Variants in LRP1B observed in about 807,000 individuals in gnomAD.
The protein encoded by LRP1B is low-density lipoprotein receptor-related protein 1B.
In LRP1B, 217 loss-of-function variants were observed where a neutral mutation model predicts 556.6. The observed-to-expected ratio is 0.39, with a 90% CI of 0.35 to 0.44. LRP1B has a LOEUF of 0.44. Ranked by LOEUF, LRP1B falls within the 20% of genes least tolerant of loss-of-function variation. LRP1B has a pLI of 1.00. For missense variants in LRP1B, 5,053 were observed against 5,620.8 expected, an observed-to-expected ratio of 0.90 and a Z score of 3.23; for synonymous variants, 2,047 against 1,865.8, an observed-to-expected ratio of 1.10 and a Z score of -2.50.
At chr2:141,522,784 G>T (rs1482647932) in intron 2 of LRP1B, among the ~76,000 whole-genome samples, 1 of 152,150 alleles carries the variant, frequency 6.6e-6, no homozygotes, top group Non-Finnish European at 1.5e-5. Flanking sequence ...TCCACGTTTG[G>T]CAGGTTCTTT....
At chr2:140,571,636 TA>T (rs1276513203) in intron 43 of LRP1B, among the ~76,000 whole-genome samples, 1 of 146,630 alleles carries the variant, frequency 6.8e-6, no homozygotes, top group Non-Finnish European at 1.5e-5. Context: ...GACATTTTTT[TA>T]CAGAAATAGA....
chr2:141,016,766 T>A (rs1697912199), intron 12 of LRP1B, among the ~76,000 whole-genome samples: 1 of 152,096 alleles, frequency 6.6e-6, no homozygotes. Context: ...TTAATTAAAG[T>A]GTAGGTTTAA....
chr2:140,401,938 G>A (rs868234912), intron 66 of LRP1B, among the ~76,000 whole-genome samples: 16 of 152,164 alleles, frequency 1.1e-4, no homozygotes, highest in Admixed American at 5.2e-4. Flanking sequence ...CACACTATCT[G>A]TAACTAAGGA....
intron 35 of LRP1B, among the ~76,000 whole-genome samples, chr2:140,740,484 T>C (rs1688099393): frequency 6.6e-6 from 1 of 152,110 alleles, no homozygotes; most frequent in South Asian, 2.1e-4. Context: ...GTAAGAATGA[T>C]ACATGGACTT....
In LRP1B at chr2:141,005,472, A is replaced by G. The variant is rs1451042132; in HGVS notation, c.2381-15T>C. ...CATATTGTCACCTGCAAGAGGAAGA[A>G]AGCAAATGTGTCAGAGAACTCTGAT... On this transcript the variant is annotated splice_polypyrimidine_tract_variant and intron_variant, in intron 14 of 90. Coordinates refer to ENST00000389484, the MANE Select transcript of LRP1B (RefSeq NM_018557.3). 1.2e-6 allele frequency: 2 copies of G among 1,607,620 alleles called. No individual in the cohort carries two copies. The highest frequency in any genetic ancestry group is 1.7e-6 in the Non-Finnish European group (2 of 1,176,106).
intron 3 of LRP1B, among the ~76,000 whole-genome samples, chr2:141,332,683 AGGTCAC>A (rs1452711193): frequency 6.7e-6 from 1 of 148,446 alleles, no homozygotes; most frequent in Non-Finnish European, 1.5e-5. Flanking sequence ...TTTCTTAATC[AGGTCAC>A]GGTGGCCTTT....
chr2:140,310,523 G>T (rs902454304), intron 83 of LRP1B, among the ~76,000 whole-genome samples: 1 of 150,260 alleles, frequency 6.7e-6, no homozygotes, highest in Non-Finnish European at 1.5e-5. Context: ...ATAACCAAAA[G>T]AGCATGGTTC....
intron 27 of LRP1B, among the ~76,000 whole-genome samples, chr2:140,855,796 C>G (rs1692599599): frequency 6.6e-6 from 1 of 152,092 alleles, no homozygotes; most frequent in Non-Finnish European, 1.5e-5. Flanking sequence ...CCACTGCACT[C>G]CAGCCTGGCC....
At chr2:140,546,627 G>C (rs1175004362) in intron 43 of LRP1B, among the ~76,000 whole-genome samples, 1 of 152,054 alleles carries the variant, frequency 6.6e-6, no homozygotes, top group African/African-American at 2.4e-5. Context: ...CCATCCTCAT[G>C]ATTCAAGTAC....
intron 3 of LRP1B, among the ~76,000 whole-genome samples, chr2:141,460,442 G>A (rs1245820109): frequency 6.6e-6 from 1 of 152,134 alleles, no homozygotes. Flanking sequence ...TGGAGATGAG[G>A]TCAGACAAAT....
At chr2:141,412,173 T>C (rs1396650118) in intron 3 of LRP1B, among the ~76,000 whole-genome samples, 1 of 152,180 alleles carries the variant, frequency 6.6e-6, no homozygotes, top group Non-Finnish European at 1.5e-5. Flanking sequence ...AAATAAATAC[T>C]TGGAGTTCTT....
At chr2:141,109,919 G>T (rs957439948) in intron 7 of LRP1B, among the ~76,000 whole-genome samples, 27 of 152,278 alleles carry the variant, frequency 1.8e-4, no homozygotes, top group Admixed American at 3.3e-4. Flanking sequence ...ATGAGTAAAG[G>T]TGCCCTGTGT....
chr2:141,211,304 T>TAA lies in LRP1B; in HGVS notation c.850+17877_850+17878dup, dbSNP rs1203235856. ...TGCCCAGCCCATTTTTCTTTTTTTT[T>TAA]AAAAAAAAAAAACAAAACAAAAACT... On this transcript the variant is annotated intron_variant, in intron 6 of 90. Transcript: ENST00000389484. 5.0e-3 allele frequency among the ~76,000 whole-genome samples: 743 copies of TAA among 147,730 alleles called. 2 individuals carry two copies. The highest frequency in any genetic ancestry group is 0.017 in the African/African-American group (683 of 39,928).
chr2:141,566,842 G>C (rs1433262975), intron 2 of LRP1B, among the ~76,000 whole-genome samples: 1 of 152,000 alleles, frequency 6.6e-6, no homozygotes, highest in African/African-American at 2.4e-5. Flanking sequence ...TTGGACAAGA[G>C]ACTGAGACTC....
At chr2:140,524,689 G>C (rs1404110034) in intron 49 of LRP1B, among the ~76,000 whole-genome samples, 1 of 151,782 alleles carries the variant, frequency 6.6e-6, no homozygotes. Context: ...GTAAATCAAT[G>C]CAAGAACAGA....
intron 43 of LRP1B, among the ~76,000 whole-genome samples, chr2:140,571,378 G>A (rs1574091460): frequency 6.6e-6 from 1 of 151,738 alleles, no homozygotes; most frequent in African/African-American, 2.4e-5. Context: ...CAAGCTAACT[G>A]AAAAAGAAAT....
At position 141,457,586 on chromosome 2, in the gene LRP1B, A is replaced by G. The variant is rs1363954341; in HGVS notation, c.343+22810T>C. On this transcript the variant is annotated intron_variant, in intron 3 of 90. Transcript: ENST00000389484. ...TGCACATCCTACACGTGTACCCTGG[A>G]ACTTAAAAATAAAAATTAAAAAAAT... 2.5e-4 allele frequency among the ~76,000 whole-genome samples: 38 copies of G among 152,184 alleles called. 1 individual carries two copies. Among genetic ancestry groups the G allele is most frequent in the Non-Finnish European group, 1.5e-5 (1 of 68,040 alleles).
intron 8 of LRP1B, among the ~76,000 whole-genome samples, chr2:141,060,922 TG>T (rs1188092245): frequency 1.3e-5 from 2 of 151,622 alleles, no homozygotes; most frequent in African/African-American, 2.4e-5. Context: ...GCAATAGACA[TG>T]GGGAAAAAAG....
chr2:140,247,010 C>T, intron 87 of LRP1B, 76 bp downstream of exon 87: 1 of 1,030,620 alleles, frequency 9.7e-7, no homozygotes, highest in Admixed American at 1.8e-5. Flanking sequence ...TTCTAAGACT[C>T]ATCTCACTCA....
Sources: allele counts gnomAD v4.1 joint callset (sites outside exome capture counted in the v4.1 genomes callset), GRCh38; gene constraint gnomAD v4.1.1; transcripts MANE v1.5; gene names NCBI Gene and HGNC (gene_info 2026-07-23, HGNC 2026-07-21).